The following POLR3GL variants were observed in gnomAD, a reference collection of about 807,000 sequenced individuals.
POLR3GL encodes the protein RNA polymerase III subunit GL.
Under a neutral mutation model 32.4 loss-of-function variants are expected in POLR3GL, and 26 were observed. The observed-to-expected ratio is 0.80, with a 90% CI of 0.59 to 1.11. The LOEUF is 1.11. Among genes scored for constraint, POLR3GL ranks in the 50% most tolerant of loss-of-function variants. The pLI, the probability that POLR3GL is intolerant of heterozygous loss-of-function variation, is 0.00. For missense variants in POLR3GL, 229 were observed against 280.1 expected (o/e 0.82, Z 1.30); for synonymous variants, 95 against 98.7 (o/e 0.96, Z 0.22).
intron 1 of POLR3GL, among the ~76,000 whole-genome samples, chr1:145,973,510 G>T (rs781964718): frequency 7.3e-5 from 11 of 151,540 alleles, no homozygotes; most frequent in Non-Finnish European, 1.6e-4. Flanking sequence ...CCAGGAGTTC[G>T]AGACCAGCCT....
chr1:145,965,825 G>A (rs1308398434), intron 1 of POLR3GL, among the ~76,000 whole-genome samples: 2 of 152,154 alleles, frequency 1.3e-5, no homozygotes, highest in East Asian at 1.9e-4. Context: ...CTGTAAAAGA[G>A]GGAAATATGG....
chr1:145,969,079 TTC>T (rs1650163127), intron 1 of POLR3GL, among the ~76,000 whole-genome samples: 2 of 152,106 alleles, frequency 1.3e-5, no homozygotes, highest in African/African-American at 4.8e-5. Flanking sequence ...TCATTTAGTA[TTC>T]TGTTACGACA....
At chr1:145,976,940 G>A (rs1216159161) in intron 3 of POLR3GL, 144 bp from the exon 4 acceptor site, 29 of 602,554 alleles carry the variant, frequency 4.8e-5, no homozygotes, top group Middle Eastern at 4.3e-4. Flanking sequence ...AAGTAGATAA[G>A]GTCCTCACTG....
intron 1 of POLR3GL, among the ~76,000 whole-genome samples, 159 bp downstream of exon 1, chr1:145,964,927 A>G (rs1166500120): frequency 6.6e-6 from 1 of 152,238 alleles, no homozygotes; most frequent in Non-Finnish European, 1.5e-5. Context: ...ATTGTATACT[A>G]GAGAATGGCA....
In POLR3GL at chr1:145,978,747, C is replaced by A; in HGVS notation, c.*300C>A. ...AGCTGAGATGACTGTACACATACCCCTGCCCAATTTATATAGCTCTTTGTG... is the reference window on the plus strand; with the variant it reads ...AGCTGAGATGACTGTACACATACCCATGCCCAATTTATATAGCTCTTTGTG... On this transcript the variant is annotated 3_prime_UTR_variant, in exon 8 of 8. Transcript: ENST00000369314. 3.0e-6 allele frequency: 1 copy of A among 329,226 alleles called. No homozygotes were observed. The highest frequency in any genetic ancestry group is 5.6e-6 in the Non-Finnish European group (1 of 179,040). 20.4% of individuals were successfully genotyped at this position (329,226 alleles called of 1,614,324 possible). A position where few individuals can be genotyped will look rare whatever the true frequency, so the allele number is the denominator to read the frequency against.
chr1:145,977,801 A>T lies in POLR3GL; in HGVS notation c.406A>T (p.Arg136Trp), dbSNP rs1553763740. Residue 136 changes from arginine to tryptophan, a missense_variant, in exon 6 of 8, where the codon AGG becomes TGG. Coordinates refer to ENST00000369314, the MANE Select transcript of POLR3GL (RefSeq NM_032305.3). ...AGGGATTACAATTCTGCTCCCCAAG[A>T]GGCCCCCTAAGACCACAGAAGATAA... Reference protein sequence around the residue: ...KERITILLPKRPPKTTEDKEE... With the variant: ...KERITILLPKWPPKTTEDKEE... 1.2e-6 allele frequency: 2 copies of T among 1,613,956 alleles called. No individual in the cohort carries two copies. The highest frequency in any genetic ancestry group is 1.7e-6 in the Non-Finnish European group (2 of 1,179,958).
intron 3 of POLR3GL, among the ~76,000 whole-genome samples, chr1:145,976,563 C>T (rs186875104): frequency 8.4e-4 from 108 of 128,154 alleles, no homozygotes; most frequent in Admixed American, 4.9e-3. Context: ...GGCGACAGTG[C>T]GAGATTCTGT....
rs1360277528 is a variant in POLR3GL, at chr1:145,972,009, TATAC to T, written c.-41-2815_-41-2812del. ...AAAAAAATATATATATATATATATA[TATAC>T]GTGTGTGTGTGTGTGTGTATATATA... On this transcript the variant is annotated intron_variant, in intron 1 of 7. Coordinates refer to ENST00000369314, the MANE Select transcript of POLR3GL (RefSeq NM_032305.3). Among the ~76,000 whole-genome samples the T allele has an allele frequency of 2.4e-3, 282 of 118,622 alleles. 5 individuals are homozygous for T. The highest frequency in any genetic ancestry group is 0.01 in the African/African-American group (262 of 25,432). The allele number at this position is 118,622 out of a possible 152,430, so 77.8% of individuals were successfully genotyped here. A position where few individuals can be genotyped will look rare whatever the true frequency, so the allele number is the denominator to read the frequency against.
chr1:145,973,667 G>T (rs1650420549), intron 1 of POLR3GL, among the ~76,000 whole-genome samples: 1 of 149,840 alleles, frequency 6.7e-6, no homozygotes, highest in Admixed American at 6.7e-5. Flanking sequence ...AGCCAAGATT[G>T]CACTGCTGCA....
At position 145,977,816 on chromosome 1, in the gene POLR3GL, A is replaced by G. The variant is rs782672630; in HGVS notation, c.421A>G (p.Thr141Ala). The change falls in exon 6 of 8, where the codon ACA (threonine) becomes GCA (alanine). Residue 141 changes from threonine (T) to alanine (A), a missense_variant. Coordinates refer to ENST00000369314, the MANE Select transcript of POLR3GL (RefSeq NM_032305.3). ...GCTCCCCAAGAGGCCCCCTAAGACCACAGAAGATAAGGAGGAAACAATACA... is the reference window on the plus strand; with the variant it reads ...GCTCCCCAAGAGGCCCCCTAAGACCGCAGAAGATAAGGAGGAAACAATACA... ...ILLPKRPPKT[T>A]EDKEETIQKL... is the part of the protein sequence containing the mutation. 5.0e-6 allele frequency: 8 copies of G among 1,613,960 alleles called. No homozygotes were observed. The East Asian group carries it at 8.9e-5, about 18-fold the overall frequency.
chr1:145,975,554 AT>A (rs1260079065), intron 3 of POLR3GL, 118 bp downstream of exon 3: 13 of 1,147,938 alleles, frequency 1.1e-5, no homozygotes, highest in Non-Finnish European at 1.5e-5. Context: ...GGAGATCATA[AT>A]AGTTACCCCT....
chr1:145,975,495 C>G (rs1327313483), intron 3 of POLR3GL, 59 bp downstream of exon 3: 41 of 1,584,958 alleles, frequency 2.6e-5, no homozygotes, highest in Non-Finnish European at 3.5e-5. Context: ...GCCCTGTGCT[C>G]AGCACCACTG....
intron 1 of POLR3GL, among the ~76,000 whole-genome samples, chr1:145,970,096 A>AT (rs1350556173): frequency 6.6e-6 from 1 of 152,086 alleles, no homozygotes; most frequent in Non-Finnish European, 1.5e-5. Context: ...TTATTTTTAA[A>AT]TATTTTTTTC....
chr1:145,975,097 C>T, intron 2 of POLR3GL, 106 bp downstream of exon 2: 1 of 1,380,786 alleles, frequency 7.2e-7, no homozygotes, highest in Non-Finnish European at 9.7e-7. Context: ...CTTTGGCCCT[C>T]TCTCTATACT....
intron 2 of POLR3GL, 152 bp from the exon 3 acceptor site, chr1:145,975,155 T>G (rs1650495368): frequency 1.5e-6 from 2 of 1,302,476 alleles, no homozygotes; most frequent in African/African-American, 3.0e-5. Flanking sequence ...CCACCTTTAC[T>G]TCTCCCCAGC....
At chr1:145,965,996 A>T (rs1268945774) in intron 1 of POLR3GL, among the ~76,000 whole-genome samples, 1 of 151,880 alleles carries the variant, frequency 6.6e-6, no homozygotes, top group Non-Finnish European at 1.5e-5. Context: ...CATGCCTGTA[A>T]TCCCAGCTAC....
chr1:145,976,398 G>A (rs1308325372), intron 3 of POLR3GL, among the ~76,000 whole-genome samples: 1 of 151,592 alleles, frequency 6.6e-6, no homozygotes, highest in Admixed American at 6.6e-5. Flanking sequence ...CCAACATAGT[G>A]AAACCCCGTC....
intron 1 of POLR3GL, among the ~76,000 whole-genome samples, chr1:145,968,690 G>C (rs1271645719): frequency 3.3e-5 from 5 of 151,840 alleles, no homozygotes; most frequent in Non-Finnish European, 7.4e-5. Flanking sequence ...TCCTGCCTCG[G>C]CCTCCTGAGT....
chr1:145,978,205 G>T (rs1553763833), intron 7 of POLR3GL, 109 bp downstream of exon 7: 5 of 1,477,148 alleles, frequency 3.4e-6, no homozygotes, highest in Non-Finnish European at 4.6e-6. Flanking sequence ...CCCCAGGGTA[G>T]GGGCTTCTCT....
Sources: allele counts gnomAD v4.1 joint callset (sites outside exome capture counted in the v4.1 genomes callset), GRCh38; gene constraint gnomAD v4.1.1; transcripts MANE v1.5; gene names NCBI Gene and HGNC (gene_info 2026-07-23, HGNC 2026-07-21).